The following SPTBN5 variants were observed in gnomAD, a reference collection of about 807,000 sequenced individuals.
The protein encoded by SPTBN5 is spectrin beta chain, non-erythrocytic 5.
A neutral mutation model predicts 477.6 loss-of-function variants in SPTBN5; 513 were observed. That is an observed-to-expected ratio of 1.07 (90% CI 1.00 to 1.16). The LOEUF (loss-of-function observed/expected upper bound fraction) is 1.16. Ranked by LOEUF, SPTBN5 falls within the 50% of genes most tolerant of loss-of-function variation. The probability of loss-of-function intolerance (pLI) is 0.00; values close to 1 mark genes in which losing one functional copy is unlikely to be tolerated. For synonymous variants in SPTBN5, 2,169 were observed against 2,011.7 expected (o/e 1.08, Z -2.09); for missense variants, 5,062 against 4,731.8 (o/e 1.07, Z -2.05).
chr15:41,880,936 G>C (rs1229241962), intron 13 of SPTBN5, 98 bp downstream of exon 13: 1 of 1,076,312 alleles, frequency 9.3e-7, no homozygotes, highest in African/African-American at 1.6e-5. Flanking sequence ...CTTGAGGACA[G>C]GGAACATGTC....
intron 66 of SPTBN5, 141 bp downstream of exon 66, chr15:41,850,713 G>C: frequency 3.9e-6 from 3 of 764,798 alleles, no homozygotes; most frequent in Non-Finnish European, 6.2e-6. Context: ...AATTCTTTGA[G>C]GAAAAACAGT....
At chr15:41,868,274 G>A in intron 33 of SPTBN5, 56 bp from the exon 34 acceptor site, 1 of 1,567,804 alleles carries the variant, frequency 6.4e-7, no homozygotes, top group Non-Finnish European at 8.6e-7. Context: ...GGTGAGGTGA[G>A]GACTGGATCC....
chr15:41,893,714 G>A, intron 1 of SPTBN5, 168 bp from the exon 2 acceptor site: 2 of 760,380 alleles, frequency 2.6e-6, no homozygotes, highest in Non-Finnish European at 4.1e-6. Flanking sequence ...ATGGCCCAGG[G>A]CCCCCTTTGC....
rs1274881221 is a variant in SPTBN5, at chr15:41,878,328, C to T, written c.3470+14G>A. On this transcript the variant is annotated intron_variant, in intron 17 of 67. Coordinates refer to ENST00000320955, the MANE Select transcript of SPTBN5 (RefSeq NM_016642.4). ...CCAGCCCAAAGTGCACCCCTTCTGC[C>T]CTCCTGTCCTGACCTCTCCTGCCAC... is the stretch of plus-strand genomic sequence containing the variant. 4 of 1,610,298 alleles carry T rather than the reference C, an allele frequency of 2.5e-6. No individual in the cohort carries two copies. The highest frequency in any genetic ancestry group is 2.2e-5 in the South Asian group (2 of 90,998).
chr15:41,878,250 C>T (rs985492593), intron 17 of SPTBN5, 92 bp downstream of exon 17: 3 of 1,454,054 alleles, frequency 2.1e-6, no homozygotes, highest in Non-Finnish European at 2.8e-6. Context: ...GGAAATCACA[C>T]TACTTCCCGC....
chr15:41,850,304 A>C, intron 66 of SPTBN5: 1 of 329,316 alleles, frequency 3.0e-6, no homozygotes, highest in South Asian at 3.7e-5. Flanking sequence ...CGACAGAGCT[A>C]GGATCCCAGA....
At chr15:41,887,482 T>C in intron 5 of SPTBN5, 41 bp from the exon 6 acceptor site, 1 of 1,460,264 alleles carries the variant, frequency 6.8e-7, no homozygotes, top group Non-Finnish European at 9.4e-7. Flanking sequence ...AGCAGGAACC[T>C]ACTGCTTTCC....
At chr15:41,866,601 G>A (rs2066325418) in intron 36 of SPTBN5, 108 bp from the exon 37 acceptor site, 4 of 1,259,270 alleles carry the variant, frequency 3.2e-6, no homozygotes, top group Non-Finnish European at 4.2e-6. Flanking sequence ...GGGGTGGGGC[G>A]GGCAGCACCT....
At chr15:41,888,881 T>C (rs966831944) in intron 4 of SPTBN5, among the ~76,000 whole-genome samples, 5 of 151,034 alleles carry the variant, frequency 3.3e-5, no homozygotes, top group Non-Finnish European at 3.0e-5. Context: ...GGGAGTGGAG[T>C]CTCGAGGCCC....
At chr15:41,881,856 C>A in intron 12 of SPTBN5, 80 bp downstream of exon 12, 1 of 1,347,854 alleles carries the variant, frequency 7.4e-7, no homozygotes, top group Admixed American at 2.8e-5. Flanking sequence ...CCACAAAGGC[C>A]CTCCCATTTT....
chr15:41,850,996 C>A, intron 65 of SPTBN5, 57 bp from the exon 66 acceptor site: 1 of 1,589,772 alleles, frequency 6.3e-7, no homozygotes, highest in Non-Finnish European at 8.6e-7. Context: ...CCCCACGCCT[C>A]CAGCCCCCGC....
rs534436454 is a variant in SPTBN5 at position 41,855,295 on chromosome 15, C to T, written c.9352G>A (p.Asp3118Asn). ...HQLERETLLLDAWLTTKAATA... is the reference protein window; with the variant it reads ...HQLERETLLLNAWLTTKAATA... ...GCCGCCTTGGTGGTCAGCCAGGCGT[C>T]GAGGAGCAGGGTCTCTCGCTCCAGC... The change falls in exon 55 of 68, where the codon GAC (aspartate) becomes AAC (asparagine). Residue 3118 changes from aspartate to asparagine, a missense_variant. Coordinates refer to ENST00000320955, the MANE Select transcript of SPTBN5 (RefSeq NM_016642.4). The T allele has an allele frequency of 5.9e-5, 95 of 1,611,828 alleles. No individual in the cohort carries two copies. Among genetic ancestry groups the T allele is most frequent in the Middle Eastern group, 3.3e-4 (2 of 6,058 alleles).
At chr15:41,879,595 C>T in intron 15 of SPTBN5, 96 bp from the exon 16 acceptor site, 2 of 1,541,018 alleles carry the variant, frequency 1.3e-6, no homozygotes, top group Non-Finnish European at 8.7e-7. Context: ...AGCTGCCAGA[C>T]TGGCTGTCCC....
chr15:41,876,188 G>T lies in SPTBN5; in HGVS notation c.4048C>A (p.Gln1350Lys). The T allele has an allele frequency of 6.2e-7, 1 of 1,606,368 alleles. No homozygotes were observed. ...EPSGARRNIL[Q>K]TLKRHEAAES... ...GCTGCTTCGTGCCGCTTGAGTGTCT[G>T]CAGGATGTTTCTGCGCGCTCCGGAG... Residue 1350 changes from glutamine (Q) to lysine (K), a missense_variant, in exon 21 of 68, where the codon CAG becomes AAG. Coordinates refer to ENST00000320955, the MANE Select transcript of SPTBN5 (RefSeq NM_016642.4).
rs778732474 is a variant in SPTBN5 at position 41,871,458 on chromosome 15, G to A, written c.5364C>T (p.Ala1788=). The part of the protein sequence containing the change: ...HQVEMGSQRV[A]ACRLLAESLL... ...GGCTCTCCGCCAGCAGCCGGCAGGC[G>A]GCCACCCGCTGGCTGCCCATCTCCA... is the stretch of plus-strand genomic sequence containing the variant. Residue 1788 remains alanine (A), a synonymous_variant, in exon 29 of 68, where the codon GCC becomes GCT. Transcript: ENST00000320955. 38 of 1,538,452 alleles carry A rather than the reference G, an allele frequency of 2.5e-5. No individual in the cohort carries two copies. The highest frequency in any genetic ancestry group is 1.7e-4 in the East Asian group (7 of 40,020).
chr15:41,872,497 G>T, intron 26 of SPTBN5, 38 bp from the exon 27 acceptor site: 1 of 1,534,300 alleles, frequency 6.5e-7, no homozygotes, highest in Non-Finnish European at 8.8e-7. Flanking sequence ...CTCAGCCTGG[G>T]TGACTCATCC....
rs2065729515 is a variant in SPTBN5, at chr15:41,850,860, T to G, written c.10915A>C (p.Thr3639Pro). Residue 3639 changes from threonine to proline, a missense_variant, in exon 66 of 68, where the codon ACT becomes CCT. Coordinates refer to ENST00000320955, the MANE Select transcript of SPTBN5 (RefSeq NM_016642.4). ...TCCTTCCCCTGAAGCCCACCTGCAGTGCTGCCCAGGGCTCGCCACCAGCTC... is the reference window on the plus strand; with the variant it reads ...TCCTTCCCCTGAAGCCCACCTGCAGGGCTGCCCAGGGCTCGCCACCAGCTC... Reference protein sequence around the residue: ...AESWWRALGSTAAQSLSPKLK... With the variant: ...AESWWRALGSPAAQSLSPKLK... 6.3e-7 allele frequency: 1 copy of G among 1,596,108 alleles called. No homozygotes were observed.
In SPTBN5 at chr15:41,876,820, T is replaced by C. The variant is rs371082114; in HGVS notation, c.3840A>G (p.Pro1280=). Residue 1280 remains proline, a synonymous_variant, in exon 19 of 68, where the codon CCA becomes CCG. Transcript: ENST00000320955. The stretch of plus-strand genomic sequence containing the variant: ...GAGGCCAGGCTCACGTGTGTGCAGC[T>C]GGGTGCTGGCTCTGAACCAGCTTCT... The part of the protein sequence containing the change: ...HGEKLVQSQH[P]AAHTVREQLQ... 2 of 1,597,294 alleles carry C rather than the reference T, an allele frequency of 1.3e-6. No individual in the cohort carries two copies. The highest frequency in any genetic ancestry group is 1.7e-6 in the Non-Finnish European group (2 of 1,175,254).
At chr15:41,891,516 C>T (rs372318586) in intron 3 of SPTBN5, among the ~76,000 whole-genome samples, 1 of 149,602 alleles carries the variant, frequency 6.7e-6, no homozygotes, top group Non-Finnish European at 1.5e-5. Context: ...TCCTATTGAG[C>T]GATGTCACGC....
Sources: gnomAD v4.1 joint callset for allele counts (sites outside exome capture counted in the v4.1 genomes callset) on GRCh38, gnomAD v4.1.1 for gene constraint, MANE v1.5 for transcripts, NCBI Gene and HGNC (gene_info 2026-07-23, HGNC 2026-07-21) for gene names.